PREX1: variants seen among roughly 807,000 people sequenced by gnomAD.
PREX1 encodes phosphatidylinositol-3,4,5-trisphosphate dependent Rac exchange factor 1.
In PREX1, 41 loss-of-function variants were observed where a neutral mutation model predicts 198.3. That is an observed-to-expected ratio of 0.21 (90% CI 0.16 to 0.27). PREX1 has a LOEUF of 0.27. PREX1 is among the 10% of genes least tolerant of loss of function. The pLI, the probability that PREX1 is intolerant of heterozygous loss-of-function variation, is 1.00. For missense variants in PREX1, 1,620 were observed against 2,200.7 expected (o/e 0.74, Z 5.28); for synonymous variants, 843 against 887.2 (o/e 0.95, Z 0.89).
chr20:48,789,615 G>T (rs1568864900), intron 1 of PREX1, among the ~76,000 whole-genome samples: 1 of 152,176 alleles, frequency 6.6e-6, no homozygotes. Flanking sequence ...TTTTTATGTT[G>T]ATATGAGTAA....
intron 5 of PREX1, among the ~76,000 whole-genome samples, chr20:48,722,149 C>T (rs2089989125): frequency 2.0e-5 from 3 of 152,196 alleles, no homozygotes; most frequent in African/African-American, 4.8e-5. Context: ...CACACAAATC[C>T]TGTACATGGA....
chr20:48,674,026 C>T (rs1438577374), intron 14 of PREX1, among the ~76,000 whole-genome samples: 1 of 152,168 alleles, frequency 6.6e-6, no homozygotes, highest in African/African-American at 2.4e-5. Flanking sequence ...GACTTGAACC[C>T]ACGTCTGTCT....
At chr20:48,659,336 GAGGA>G (rs1182040817) in intron 16 of PREX1, among the ~76,000 whole-genome samples, 2 of 148,392 alleles carry the variant, frequency 1.3e-5, no homozygotes, top group Non-Finnish European at 3.0e-5. Flanking sequence ...AGGAAGGAAG[GAGGA>G]AGGGAGGGAA....
chr20:48,854,995 A>G, the PREX1 span, among the ~76,000 whole-genome samples: 5 of 152,188 alleles, frequency 3.3e-5, no homozygotes, highest in Non-Finnish European at 7.3e-5. Flanking sequence ...GGATCATCAC[A>G]ACCATATCCA....
the PREX1 span, among the ~76,000 whole-genome samples, chr20:48,885,313 A>G: frequency 6.6e-6 from 1 of 152,350 alleles, no homozygotes; most frequent in African/African-American, 2.4e-5. Flanking sequence ...TATCTCTTGA[A>G]TAAGTACATG....
At chr20:48,817,060 T>A (rs1472817202) in intron 1 of PREX1, among the ~76,000 whole-genome samples, 1 of 152,230 alleles carries the variant, frequency 6.6e-6, no homozygotes, top group Non-Finnish European at 1.5e-5. Context: ...TGAAACAGGA[T>A]GTGTAACAGC....
chr20:48,821,625 A>G (rs935359877), intron 1 of PREX1: 2 of 152,284 alleles, frequency 1.3e-5, no homozygotes, highest in East Asian at 3.8e-4. Flanking sequence ...GCAGCCAGGC[A>G]TGACCTGCTT....
intron 1 of PREX1, among the ~76,000 whole-genome samples, chr20:48,774,238 G>A (rs150248424): frequency 1.2e-3 from 186 of 152,382 alleles, no homozygotes; most frequent in Non-Finnish European, 2.1e-3. Context: ...AACTGCAATC[G>A]TGCTGAGTGC....
chr20:48,688,539 T>C, intron 10 of PREX1, 118 bp downstream of exon 10: 1 of 1,338,250 alleles, frequency 7.5e-7, no homozygotes, highest in Non-Finnish European at 1.0e-6. Flanking sequence ...GGTCCTTTTG[T>C]CACTCTGCCC....
chr20:48,729,255 T>G (rs1467045367), intron 4 of PREX1, among the ~76,000 whole-genome samples: 1 of 152,092 alleles, frequency 6.6e-6, no homozygotes, highest in Non-Finnish European at 1.5e-5. Flanking sequence ...TTTTGTATTT[T>G]TAGTAGAGAC....
upstream of PREX1, among the ~76,000 whole-genome samples, chr20:48,830,485 A>G (rs1568658237): frequency 6.6e-6 from 1 of 152,264 alleles, no homozygotes; most frequent in Non-Finnish European, 1.5e-5. Flanking sequence ...TAGGTGCTCA[A>G]CAAATGTTAG....
At chr20:48,873,234 C>G in the PREX1 span, among the ~76,000 whole-genome samples, 1 of 152,160 alleles carries the variant, frequency 6.6e-6, no homozygotes, top group Non-Finnish European at 1.5e-5. Flanking sequence ...ACATTTCAAA[C>G]CTTTGTTTGG....
chr20:48,646,015 G>T lies in PREX1; in HGVS notation c.3348C>A (p.Cys1116Ter). The change falls in exon 26 of 40, where the codon TGC becomes TGA. Residue 1116 changes from cysteine to a stop codon, truncating the protein, a stop_gained. Coordinates refer to ENST00000371941, the MANE Select transcript of PREX1 (RefSeq NM_020820.4). LOFTEE classifies it high-confidence loss of function. Reference sequence around the variant, plus strand: ...AGGCCTCCTCAGCCAAGGATGCGTCGCAGGACCCACCCGAGGTGGGCTCTG... The same window carrying T: ...AGGCCTCCTCAGCCAAGGATGCGTCTCAGGACCCACCCGAGGTGGGCTCTG... ...TITEPTSGGS[C>*]DASLAEEASS... 6.2e-7 allele frequency: 1 copy of T among 1,614,096 alleles called. No homozygotes were observed.
At chr20:48,708,160 C>T (rs1428366207) in intron 6 of PREX1, 100 bp downstream of exon 6, 15 of 1,300,976 alleles carry the variant, frequency 1.2e-5, no homozygotes, top group Non-Finnish European at 1.6e-5. Flanking sequence ...AAACAAAATA[C>T]ATTGCAGACT....
the PREX1 span, among the ~76,000 whole-genome samples, chr20:48,875,709 G>A: frequency 2.0e-5 from 3 of 152,212 alleles, no homozygotes; most frequent in Admixed American, 1.3e-4. Flanking sequence ...GAAGTCTGAC[G>A]TGTTTCAGTG....
intron 5 of PREX1, among the ~76,000 whole-genome samples, chr20:48,708,938 G>T (rs958062838): frequency 1.3e-5 from 2 of 152,176 alleles, no homozygotes; most frequent in African/African-American, 4.8e-5. Flanking sequence ...CTTATCATAA[G>T]ATGGGCATAA....
At chr20:48,693,373 TGAA>T (rs1046751244) in intron 7 of PREX1, among the ~76,000 whole-genome samples, 16 of 149,834 alleles carry the variant, frequency 1.1e-4, no homozygotes, top group Admixed American at 9.2e-4. Flanking sequence ...CTTTGAGAGA[TGAA>T]GAAGTCAGGG....
intron 1 of PREX1, among the ~76,000 whole-genome samples, chr20:48,824,750 C>T (rs1433149568): frequency 1.3e-5 from 2 of 152,100 alleles, no homozygotes; most frequent in Non-Finnish European, 2.9e-5. Context: ...GGCTCCAGAG[C>T]CTTGCACTTG....
At chr20:48,863,254 GT>G in the PREX1 span, among the ~76,000 whole-genome samples, 8 of 152,096 alleles carry the variant, frequency 5.3e-5, 1 homozygote, top group African/African-American at 1.7e-4. Context: ...TATTAGTGCA[GT>G]ACATTTGTTA....
Sources: allele counts gnomAD v4.1 joint callset (sites outside exome capture counted in the v4.1 genomes callset), GRCh38; gene constraint gnomAD v4.1.1; transcripts MANE v1.5; gene names NCBI Gene and HGNC (gene_info 2026-07-23, HGNC 2026-07-21).